The following GABRB2 variants were observed in gnomAD, a reference collection of about 807,000 sequenced individuals.
GABRB2 encodes gamma-aminobutyric acid receptor subunit beta-2.
In GABRB2, 16 loss-of-function variants were observed where a neutral mutation model predicts 54.7. The ratio of observed to expected loss-of-function variants is 0.29; its 90% CI spans 0.20 to 0.44. The LOEUF (loss-of-function observed/expected upper bound fraction) is 0.44, where lower values mean the gene tolerates loss of function less well. GABRB2 is among the 20% of genes least tolerant of loss of function. The probability of loss-of-function intolerance (pLI) is 1.00; values close to 1 mark genes in which losing one functional copy is unlikely to be tolerated. For missense variants in GABRB2, 355 were observed against 644.0 expected (o/e 0.55, Z 4.86); for synonymous variants, 244 against 233.8 (o/e 1.04, Z -0.40).
intron 5 of GABRB2, among the ~76,000 whole-genome samples, chr5:161,379,307 G>A (rs966427484): frequency 2.0e-5 from 3 of 152,120 alleles, no homozygotes; most frequent in African/African-American, 7.2e-5. Context: ...TTTTCATGAT[G>A]TGGAGCTTAC....
intron 4 of GABRB2, among the ~76,000 whole-genome samples, chr5:161,435,074 G>T (rs1025405774): frequency 6.6e-6 from 1 of 152,130 alleles, no homozygotes; most frequent in African/African-American, 2.4e-5. Flanking sequence ...AGGAATATGG[G>T]TCTAGTTATT....
At chr5:161,464,983 C>T (rs963295712) in intron 3 of GABRB2, among the ~76,000 whole-genome samples, 1 of 151,954 alleles carries the variant, frequency 6.6e-6, no homozygotes, top group African/African-American at 2.4e-5. Context: ...GGTGTTAGGA[C>T]TTTAGGCATT....
chr5:161,450,461 A>T (rs1035765525), intron 4 of GABRB2, among the ~76,000 whole-genome samples: 2 of 152,152 alleles, frequency 1.3e-5, no homozygotes, highest in Non-Finnish European at 2.9e-5. Flanking sequence ...AAGTCTCTCC[A>T]TTTCTAAGGC....
chr5:161,343,391 T>C (rs1047764315), intron 5 of GABRB2, among the ~76,000 whole-genome samples: 1 of 151,966 alleles, frequency 6.6e-6, no homozygotes, highest in Non-Finnish European at 1.5e-5. Context: ...GCATGTTCAG[T>C]TTTTTGAATT....
At chr5:161,489,474 C>A (rs1015797474) in intron 3 of GABRB2, among the ~76,000 whole-genome samples, 6 of 151,494 alleles carry the variant, frequency 4.0e-5, no homozygotes, top group Admixed American at 4.0e-4. Flanking sequence ...AAACAAAAGA[C>A]AAACAGAGTA....
chr5:161,313,845 C>A (rs185309258), intron 9 of GABRB2, among the ~76,000 whole-genome samples: 56 of 152,318 alleles, frequency 3.7e-4, no homozygotes, highest in Non-Finnish European at 6.5e-4. Flanking sequence ...GGATTCTGGG[C>A]TTTCTCCAAT....
chr5:161,382,983 A>G lies in GABRB2; in HGVS notation c.541+27992T>C, dbSNP rs73797594. Among the ~76,000 whole-genome samples the G allele has an allele frequency of 4.4e-3, 667 of 152,296 alleles. 8 individuals are homozygous for G. Among genetic ancestry groups the G allele is most frequent in the African/African-American group, 0.014 (591 of 41,580 alleles). On this transcript the variant is annotated intron_variant, in intron 5 of 9. Transcript: ENST00000393959. ...CAAAGCGAGACTTGGATGGACATCAATAAATAGGGCTTTAAAGGCTTAATT... is the reference window on the plus strand; with the variant it reads ...CAAAGCGAGACTTGGATGGACATCAGTAAATAGGGCTTTAAAGGCTTAATT...
intron 5 of GABRB2, among the ~76,000 whole-genome samples, chr5:161,394,963 T>C (rs1050659776): frequency 4.6e-5 from 7 of 152,112 alleles, no homozygotes; most frequent in Non-Finnish European, 1.0e-4. Flanking sequence ...AACAAAATAA[T>C]AGAATATCAC....
At chr5:161,400,963 G>A (rs1756168552) in intron 5 of GABRB2, among the ~76,000 whole-genome samples, 1 of 152,140 alleles carries the variant, frequency 6.6e-6, no homozygotes, top group Middle Eastern at 3.2e-3. Flanking sequence ...AATAGGGGGT[G>A]TAGGGGGTGA....
At chr5:161,515,394 T>C (rs6882041) in intron 3 of GABRB2, among the ~76,000 whole-genome samples, 45,679 of 152,018 alleles carry the variant, frequency 0.3, 7,141 homozygotes, top group Admixed American at 0.41. Context: ...GATCTTTTTA[T>C]TTTGGAAAAT....
chr5:161,475,780 C>A (rs997978109), intron 3 of GABRB2, among the ~76,000 whole-genome samples: 1 of 151,402 alleles, frequency 6.6e-6, no homozygotes, highest in South Asian at 2.1e-4. Context: ...AAACCCTCAA[C>A]AAACTAAAAA....
At chr5:161,451,270 C>T (rs1292696705) in intron 4 of GABRB2, among the ~76,000 whole-genome samples, 1 of 152,168 alleles carries the variant, frequency 6.6e-6, no homozygotes, top group Non-Finnish European at 1.5e-5. Flanking sequence ...AGAATGTGAG[C>T]ATTTAATCAG....
chr5:161,481,553 A>G lies in GABRB2; in HGVS notation c.238-21709T>C, dbSNP rs904257253. Among the ~76,000 whole-genome samples, 13 of 152,172 alleles carry G rather than the reference A, an allele frequency of 8.5e-5. No homozygotes were observed. The South Asian group carries it at 2.7e-3, about 32-fold the overall frequency. On this transcript the variant is annotated intron_variant, in intron 3 of 9. Coordinates refer to ENST00000393959, the MANE Select transcript of GABRB2 (RefSeq NM_001371727.1). ...ATACATGGCACAAATATCACTTAGAATAGCCCTATTTTGTGAATAATTTTT... is the reference window on the plus strand; with the variant it reads ...ATACATGGCACAAATATCACTTAGAGTAGCCCTATTTTGTGAATAATTTTT...
intron 9 of GABRB2, among the ~76,000 whole-genome samples, chr5:161,323,279 T>C (rs963077815): frequency 6.6e-6 from 1 of 152,152 alleles, no homozygotes; most frequent in Admixed American, 6.5e-5. Context: ...CATCTCAGCC[T>C]CCCAAAGTGC....
At chr5:161,365,096 G>GT (rs1754935832) in intron 5 of GABRB2, among the ~76,000 whole-genome samples, 2 of 152,024 alleles carry the variant, frequency 1.3e-5, no homozygotes, top group African/African-American at 4.8e-5. Context: ...AAGAGAAACC[G>GT]TTTTTTGGGC....
At chr5:161,467,667 G>A (rs1758317817) in intron 3 of GABRB2, among the ~76,000 whole-genome samples, 1 of 152,032 alleles carries the variant, frequency 6.6e-6, no homozygotes, top group Non-Finnish European at 1.5e-5. Flanking sequence ...GATTTCCAAA[G>A]ATTGGAATAC....
intron 9 of GABRB2, among the ~76,000 whole-genome samples, chr5:161,298,954 T>A (rs529199005): frequency 6.6e-6 from 1 of 152,288 alleles, no homozygotes; most frequent in East Asian, 1.9e-4. Context: ...GAGAACTGGC[T>A]ATTTTTATGC....
intron 4 of GABRB2, among the ~76,000 whole-genome samples, chr5:161,452,326 G>A (rs1177787603): frequency 6.6e-6 from 1 of 152,120 alleles, no homozygotes; most frequent in African/African-American, 2.4e-5. Flanking sequence ...ATGGGCTTAG[G>A]GAAGCTAGAA....
chr5:161,466,061 T>G (rs1241931755), intron 3 of GABRB2, among the ~76,000 whole-genome samples: 1 of 152,104 alleles, frequency 6.6e-6, no homozygotes, highest in Non-Finnish European at 1.5e-5. Context: ...TGTTTCCATG[T>G]CTTTGATGGG....
Sources: gnomAD v4.1 joint callset for allele counts (sites outside exome capture counted in the v4.1 genomes callset) on GRCh38, gnomAD v4.1.1 for gene constraint, MANE v1.5 for transcripts, NCBI Gene and HGNC (gene_info 2026-07-23, HGNC 2026-07-21) for gene names.